The following P4HTM variants were observed in gnomAD, a reference collection of about 807,000 sequenced individuals.
The protein encoded by P4HTM is transmembrane prolyl 4-hydroxylase.
Under a neutral mutation model 55.3 loss-of-function variants are expected in P4HTM, and 33 were observed. The observed-to-expected ratio is 0.60, with a 90% CI of 0.45 to 0.80. The LOEUF is 0.80. P4HTM is among the 30% of genes least tolerant of loss of function. P4HTM has a pLI of 0.00. For synonymous variants in P4HTM, 272 were observed against 286.4 expected (o/e 0.95, Z 0.51); for missense variants, 542 against 696.5 (o/e 0.78, Z 2.50).
chr3:48,994,579 T>C (rs1158764441), intron 2 of P4HTM, among the ~76,000 whole-genome samples: 1 of 152,190 alleles, frequency 6.6e-6, no homozygotes, highest in Non-Finnish European at 1.5e-5. Context: ...GTAGGTCATT[T>C]TCCCTTGGTA....
intron 2 of P4HTM, among the ~76,000 whole-genome samples, chr3:48,993,925 A>G (rs916096265): frequency 2.6e-5 from 4 of 151,870 alleles, no homozygotes; most frequent in Admixed American, 2.6e-4. Context: ...AGGGCAAATT[A>G]TGAAAAGCAG....
chr3:49,006,706 C>T lies in P4HTM; in HGVS notation c.1308C>T (p.Asp436=). ...PDGQGWVGDV[D]DYSLHGGCLV... ...TTCTAGGTTGGGTGGGTGACGTAGACGACTACTCGCTGCACGGGGGCTGCC... is the reference window on the plus strand; with the variant it reads ...TTCTAGGTTGGGTGGGTGACGTAGATGACTACTCGCTGCACGGGGGCTGCC... The change falls in exon 9 of 9, where the codon GAC becomes GAT. Residue 436 remains aspartate (D), a synonymous_variant. Coordinates refer to ENST00000383729, the MANE Select transcript of P4HTM (RefSeq NM_177939.3). 1 of 1,613,622 alleles carries T rather than the reference C, an allele frequency of 6.2e-7. No individual in the cohort carries two copies. The highest frequency in any genetic ancestry group is 8.5e-7 in the Non-Finnish European group (1 of 1,180,000).
chr3:49,001,777 C>CA (rs2092962015), intron 3 of P4HTM, 149 bp downstream of exon 3: 1 of 680,266 alleles, frequency 1.5e-6, no homozygotes, highest in Admixed American at 2.8e-5. Context: ...AGGAGGTCCC[C>CA]TTTCCCTCTG....
rs993125545 is a variant in P4HTM at position 49,002,409 on chromosome 3, C to T, written c.628-91C>T. On this transcript the variant is annotated intron_variant, in intron 3 of 8. Coordinates refer to ENST00000383729, the MANE Select transcript of P4HTM (RefSeq NM_177939.3). The surrounding 1 kb of genome is among the most constrained non-coding windows in gnomAD (Gnocchi z 4.4). ...GTCCTCATCCATGCCCTCACCTGAA[C>T]ACTTTGCTCCACAACAAGCACTGGG... 7 of 926,452 alleles carry T rather than the reference C, an allele frequency of 7.6e-6. No individual in the cohort carries two copies. In the African/African-American group the frequency reaches 9.7e-5, roughly 13 times the overall value. The allele number at this position is 926,452 out of a possible 1,614,324, so 57.4% of individuals were successfully genotyped here.
chr3:49,002,401 C>CA lies in P4HTM; in HGVS notation c.628-98dup, dbSNP rs1034397284. ...TGCCCTGTGTCCTCATCCATGCCCT[C>CA]ACCTGAACACTTTGCTCCACAACAA... On this transcript the variant is annotated intron_variant, in intron 3 of 8. Transcript: ENST00000383729. The surrounding 1 kb of genome is among the most constrained non-coding windows in gnomAD (Gnocchi z 4.4). 7 of 869,294 alleles carry CA rather than the reference C, an allele frequency of 8.1e-6. No individual in the cohort carries two copies. In the African/African-American group the frequency reaches 1.1e-4, roughly 14 times the overall value. 53.8% of individuals were successfully genotyped at this position (869,294 alleles called of 1,614,324 possible).
intron 4 of P4HTM, 30 bp from the exon 5 acceptor site, chr3:49,004,068 G>T: frequency 6.5e-7 from 1 of 1,543,840 alleles, no homozygotes; most frequent in Non-Finnish European, 8.7e-7. Context: ...TATGGGCTTG[G>T]TGGGCATTGA....
At chr3:49,006,017 C>T (rs375230127) in intron 7 of P4HTM, 47 bp from the exon 8 acceptor site, 1 of 1,588,166 alleles carries the variant, frequency 6.3e-7, no homozygotes, top group Non-Finnish European at 8.6e-7. Flanking sequence ...CTGGCCTGGC[C>T]ATAGAGTGGG....
chr3:49,002,953 G>A lies in P4HTM; in HGVS notation c.724+357G>A. ...CAGTGAGGCCAGCTAGAGCTTGGCTGTTTACCCTGCTCCATCCATCTCTCC... is the reference window on the plus strand; with the variant it reads ...CAGTGAGGCCAGCTAGAGCTTGGCTATTTACCCTGCTCCATCCATCTCTCC... On this transcript the variant is annotated intron_variant, in intron 4 of 8. Transcript: ENST00000383729. The surrounding 1 kb of genome is among the most constrained non-coding windows in gnomAD (Gnocchi z 4.4). 2.6e-6 allele frequency: 1 copy of A among 381,172 alleles called. No homozygotes were observed. The highest frequency in any genetic ancestry group is 5.1e-6 in the Non-Finnish European group (1 of 197,022). The allele number at this position is 381,172 out of a possible 1,614,324, so 23.6% of individuals were successfully genotyped here. A position where few individuals can be genotyped will look rare whatever the true frequency, so the allele number is the denominator to read the frequency against.
intron 2 of P4HTM, among the ~76,000 whole-genome samples, chr3:49,000,528 C>T (rs145647981): frequency 2.2e-4 from 33 of 152,342 alleles, no homozygotes; most frequent in Middle Eastern, 6.8e-3. Context: ...GCTGCCCTTC[C>T]TCCAGTCAGC....
chr3:49,005,880 T>A lies in P4HTM; in HGVS notation c.1164+13T>A, dbSNP rs368295375. 1.9e-6 allele frequency: 3 copies of A among 1,540,996 alleles called. No individual in the cohort carries two copies. Among genetic ancestry groups the A allele is most frequent in the Non-Finnish European group, 2.6e-6 (3 of 1,141,162 alleles). The stretch of plus-strand genomic sequence containing the variant: ...CTACGATGAAATGGTAAGGGTCAAC[T>A]GGGCTATTACTCTTGTGGGCTGGCA... On this transcript the variant is annotated intron_variant, in intron 7 of 8. Coordinates refer to ENST00000383729, the MANE Select transcript of P4HTM (RefSeq NM_177939.3).
rs1024376867 is a variant in P4HTM at position 48,996,304 on chromosome 3, G to C, written c.437-5134G>C. On this transcript the variant is annotated intron_variant, in intron 2 of 8. Coordinates refer to ENST00000383729, the MANE Select transcript of P4HTM (RefSeq NM_177939.3). ...GTTTTGTTTTTTGAGACGGAATCTC[G>C]CTCTATGGCCAGGCTGGAGTGCAGT... The C allele has an allele frequency of 2.0e-5, 3 of 151,988 alleles. No individual in the cohort carries two copies. In the East Asian group the frequency reaches 5.8e-4, roughly 29 times the overall value. 9.4% of individuals were successfully genotyped at this position (151,988 alleles called of 1,614,324 possible).
At chr3:48,998,701 C>T (rs2092953157) in intron 2 of P4HTM, among the ~76,000 whole-genome samples, 1 of 152,216 alleles carries the variant, frequency 6.6e-6, no homozygotes, top group African/African-American at 2.4e-5. Context: ...CCCTCTTGTC[C>T]TGAAAGGCCT....
At chr3:49,005,131 GC>G (rs767445200) in intron 6 of P4HTM, 85 bp downstream of exon 6, 1 of 1,612,394 alleles carries the variant, frequency 6.2e-7, no homozygotes, top group African/African-American at 1.3e-5. Flanking sequence ...CTGTGGGCGT[GC>G]CCCTTGGCAT....
At position 48,990,780 on chromosome 3, in the gene P4HTM, C is replaced by A; in HGVS notation, c.355-53C>A. On this transcript the variant is annotated intron_variant, in intron 1 of 8. Transcript: ENST00000383729. This position sits in a 1 kb window ranked among gnomAD's most constrained non-coding sequence, Gnocchi z 7.2. Reference sequence around the variant, plus strand: ...TCCGGGCCGGGGCGACTTGGCCCTTCTTGGGCAGCGCGGTCTGGCGCCCCA... The same window carrying A: ...TCCGGGCCGGGGCGACTTGGCCCTTATTGGGCAGCGCGGTCTGGCGCCCCA... The A allele has an allele frequency of 1.3e-6, 2 of 1,582,422 alleles. No individual in the cohort carries two copies. Among genetic ancestry groups the A allele is most frequent in the South Asian group, 2.2e-5 (2 of 89,846 alleles).
chr3:49,000,488 G>C (rs908814324), intron 2 of P4HTM, among the ~76,000 whole-genome samples: 7 of 152,216 alleles, frequency 4.6e-5, no homozygotes, highest in Non-Finnish European at 1.0e-4. Flanking sequence ...GTAACTGAGA[G>C]AAGCGGCAGG....
At position 48,999,306 on chromosome 3, in the gene P4HTM, C is replaced by T. The variant is rs1483303819; in HGVS notation, c.437-2132C>T. Reference sequence around the variant, plus strand: ...AAGAGGCGGGCATCGGGGTGGCACTCCCAGGCAAGCAGGAGCAGCCAGCTG... The same window carrying T: ...AAGAGGCGGGCATCGGGGTGGCACTTCCAGGCAAGCAGGAGCAGCCAGCTG... On this transcript the variant is annotated intron_variant, in intron 2 of 8. Transcript: ENST00000383729. This position sits in a 1 kb window ranked among gnomAD's most constrained non-coding sequence, Gnocchi z 4.8. The T allele has an allele frequency of 6.5e-6, 1 of 152,906 alleles. No homozygotes were observed. The highest frequency in any genetic ancestry group is 2.4e-5 in the African/African-American group (1 of 41,466). The allele number at this position is 152,906 out of a possible 1,614,324, so 9.5% of individuals were successfully genotyped here. A position where few individuals can be genotyped will look rare whatever the true frequency, so the allele number is the denominator to read the frequency against.
rs200539042 is a variant in P4HTM, at chr3:48,990,431, G to T, written c.175G>T (p.Ala59Ser). The T allele has an allele frequency of 3.1e-6, 5 of 1,607,604 alleles. No individual in the cohort carries two copies. The highest frequency in any genetic ancestry group is 4.2e-6 in the Non-Finnish European group (5 of 1,178,906). ...CAAGCCCCGCGGCATCTGCTCGCGC[G>T]CCTACTTCCTGGTGCTGATGGTGTT... is the stretch of plus-strand genomic sequence containing the variant. The part of the protein sequence containing the change: ...LCKPRGICSR[A>S]YFLVLMVFVH... Residue 59 changes from alanine to serine, a missense_variant, in exon 1 of 9, where the codon GCC becomes TCC. Around this residue, in one of 2 missense-constraint regions of P4HTM, gnomAD observed 536 missense variants for 672.1 expected, o/e 0.80. Transcript: ENST00000383729. This position sits in a 1 kb window ranked among gnomAD's most constrained non-coding sequence, Gnocchi z 7.2.
At chr3:48,998,726 C>T (rs1226769559) in intron 2 of P4HTM, among the ~76,000 whole-genome samples, 2 of 152,212 alleles carry the variant, frequency 1.3e-5, no homozygotes, top group Non-Finnish European at 2.9e-5. Flanking sequence ...GGCACCGCAG[C>T]CAGGGCTGGG....
intron 2 of P4HTM, chr3:48,992,035 C>T (rs76082653): frequency 0.032 from 4,894 of 152,220 alleles, 110 homozygotes; most frequent in Non-Finnish European, 0.054. Flanking sequence ...TGCTGTCAGT[C>T]CTGTTGTGGG....
Sources: allele counts gnomAD v4.1 joint callset (sites outside exome capture counted in the v4.1 genomes callset), GRCh38; gene constraint gnomAD v4.1.1; regional missense constraint gnomAD v4.1.1; non-coding constraint Gnocchi (gnomAD v3.1); transcripts MANE v1.5; gene names NCBI Gene and HGNC (gene_info 2026-07-23, HGNC 2026-07-21).